The following UBAP1 variants were observed in gnomAD, a reference collection of about 807,000 sequenced individuals.
UBAP1 encodes the protein ubiquitin-associated protein 1.
In UBAP1, 5 loss-of-function variants were observed where a neutral mutation model predicts 39.0. The observed-to-expected ratio is 0.13, with a 90% CI of 0.07 to 0.27. The LOEUF is 0.27. UBAP1 is among the 10% of genes least tolerant of loss of function. UBAP1 has a pLI of 1.00. For synonymous variants in UBAP1, 211 were observed against 225.1 expected (o/e 0.94, Z 0.56); for missense variants, 490 against 608.1 (o/e 0.81, Z 2.04).
intron 1 of UBAP1, among the ~76,000 whole-genome samples, chr9:34,218,033 A>C (rs1013776875): frequency 6.6e-6 from 1 of 151,234 alleles, no homozygotes; most frequent in African/African-American, 2.4e-5. Flanking sequence ...CGGGTGGATC[A>C]CAAGGTCAAG....
At chr9:34,199,162 C>T (rs544515486) in intron 1 of UBAP1, among the ~76,000 whole-genome samples, 2 of 152,272 alleles carry the variant, frequency 1.3e-5, no homozygotes, top group East Asian at 3.9e-4. Context: ...CAACCTCTGC[C>T]TCCCGGGTTC....
chr9:34,239,392 C>T (rs1833854588), intron 3 of UBAP1, among the ~76,000 whole-genome samples: 1 of 152,230 alleles, frequency 6.6e-6, no homozygotes, highest in African/African-American at 2.4e-5. Context: ...TGTATCTGGT[C>T]CCCTCCGTAC....
chr9:34,251,787 C>G lies in UBAP1; in HGVS notation c.*255C>G, dbSNP rs765994204. On this transcript the variant is annotated 3_prime_UTR_variant, in exon 7 of 7. Transcript: ENST00000297661. ...AACGCATTTGCATTTTGAGAAGTGT[C>G]CTTCCCACTTCAGCCCTCCGGAGAG... The G allele has an allele frequency of 1.6e-5, 7 of 445,804 alleles. No individual in the cohort carries two copies. Among genetic ancestry groups the G allele is most frequent in the Non-Finnish European group, 2.8e-5 (7 of 247,272 alleles). 27.6% of individuals were successfully genotyped at this position (445,804 alleles called of 1,614,324 possible). A position where few individuals can be genotyped will look rare whatever the true frequency, so the allele number is the denominator to read the frequency against.
chr9:34,229,560 A>G (rs1228002980), intron 2 of UBAP1, among the ~76,000 whole-genome samples: 1 of 148,834 alleles, frequency 6.7e-6, no homozygotes, highest in Admixed American at 6.8e-5. Flanking sequence ...TCGGCCTGAC[A>G]TGGAGTCTTG....
chr9:34,198,390 C>T (rs11787558), intron 1 of UBAP1, among the ~76,000 whole-genome samples: 22,584 of 152,116 alleles, frequency 0.15, 2,084 homozygotes, highest in South Asian at 0.31. Flanking sequence ...GTTCTGTGGC[C>T]GGGCTGCCTG....
chr9:34,208,141 G>C (rs1448270635), intron 1 of UBAP1, among the ~76,000 whole-genome samples: 1 of 151,958 alleles, frequency 6.6e-6, no homozygotes, highest in Non-Finnish European at 1.5e-5. Context: ...GTTAATGTTG[G>C]TGTTGGACTG....
intron 2 of UBAP1, among the ~76,000 whole-genome samples, chr9:34,225,824 T>C: frequency 6.6e-6 from 1 of 151,734 alleles, no homozygotes; most frequent in Non-Finnish European, 1.5e-5. Context: ...TCAATCCTCT[T>C]TCACTGATTC....
chr9:34,209,249 C>G (rs1045198610), intron 1 of UBAP1, among the ~76,000 whole-genome samples: 2 of 152,096 alleles, frequency 1.3e-5, no homozygotes, highest in Non-Finnish European at 2.9e-5. Flanking sequence ...CCTGACTCAG[C>G]TACTTCTGAT....
chr9:34,213,384 G>A (rs544974081), intron 1 of UBAP1, among the ~76,000 whole-genome samples: 4 of 151,906 alleles, frequency 2.6e-5, no homozygotes, highest in South Asian at 2.1e-4. Flanking sequence ...GGTGGCAGGC[G>A]CTTGCAATCC....
intron 1 of UBAP1, among the ~76,000 whole-genome samples, chr9:34,199,707 C>G (rs2131530982): frequency 6.6e-6 from 1 of 151,476 alleles, no homozygotes; most frequent in South Asian, 2.1e-4. Flanking sequence ...TGATCATGTC[C>G]TACTGCAACC....
intron 3 of UBAP1, among the ~76,000 whole-genome samples, chr9:34,234,715 G>A (rs1041949362): frequency 2.0e-5 from 3 of 152,156 alleles, no homozygotes; most frequent in East Asian, 1.9e-4. Flanking sequence ...TTACTCAAGT[G>A]TTTGTGGTGA....
intron 4 of UBAP1, among the ~76,000 whole-genome samples, chr9:34,246,705 G>A (rs1834194172): frequency 6.6e-6 from 1 of 152,238 alleles, no homozygotes; most frequent in South Asian, 2.1e-4. Flanking sequence ...TTTATGGAAA[G>A]ACTTGGTAGA....
At position 34,249,888 on chromosome 9, in the gene UBAP1, C is replaced by T. The variant is rs139312253; in HGVS notation, c.1193C>T (p.Thr398Met). ...LSPSERQCVE[T>M]VVNMGYSYEC... ...CCCAGCGAGCGGCAGTGTGTGGAGACGGTGGTCAACATGGGCTACTCGTAC... is the reference window on the plus strand; with the variant it reads ...CCCAGCGAGCGGCAGTGTGTGGAGATGGTGGTCAACATGGGCTACTCGTAC... The change falls in exon 5 of 7, where the codon ACG becomes ATG. Residue 398 changes from threonine (T) to methionine (M), a missense_variant. Physicochemically the swap from Thr to Met is moderately conservative, Grantham distance 81. Around this residue, in one of 3 missense-constraint regions of UBAP1, gnomAD observed 339 missense variants for 390.0 expected, o/e 0.87. Coordinates refer to ENST00000297661, the MANE Select transcript of UBAP1 (RefSeq NM_016525.5). 4.1e-5 allele frequency: 66 copies of T among 1,612,724 alleles called. 1 individual carries two copies. The highest frequency in any genetic ancestry group is 5.0e-5 in the Admixed American group (3 of 59,858).
chr9:34,230,367 TA>T (rs1833345784), intron 2 of UBAP1, among the ~76,000 whole-genome samples: 1 of 152,148 alleles, frequency 6.6e-6, no homozygotes, highest in African/African-American at 2.4e-5. Flanking sequence ...CCTGGCCAAA[TA>T]TAGTTATTAT....
intron 2 of UBAP1, among the ~76,000 whole-genome samples, chr9:34,225,586 G>C (rs1408828706): frequency 2.0e-5 from 3 of 151,700 alleles, no homozygotes; most frequent in Non-Finnish European, 4.4e-5. Context: ...GACCATCCTG[G>C]CTAACATGGT....
intron 1 of UBAP1, among the ~76,000 whole-genome samples, chr9:34,219,718 TTCCCC>T (rs1406831384): frequency 4.2e-4 from 13 of 30,906 alleles, no homozygotes; most frequent in Admixed American, 3.1e-3. Context: ...CTCCCCTCCC[TTCCCC>T]TCCCCTCCCC....
intron 2 of UBAP1, among the ~76,000 whole-genome samples, chr9:34,222,085 G>A (rs1345887971): frequency 6.6e-6 from 1 of 152,082 alleles, no homozygotes; most frequent in Non-Finnish European, 1.5e-5. Flanking sequence ...TCATGCCACT[G>A]CACTCCAGCC....
chr9:34,240,200 G>C (rs1353527458), intron 3 of UBAP1, among the ~76,000 whole-genome samples: 3 of 152,272 alleles, frequency 2.0e-5, no homozygotes, highest in Middle Eastern at 3.4e-3. Context: ...CCCCCCATAT[G>C]TCTATCTGAG....
intron 1 of UBAP1, among the ~76,000 whole-genome samples, chr9:34,179,531 A>T (rs938820771): frequency 5.9e-5 from 9 of 151,956 alleles, no homozygotes; most frequent in African/African-American, 1.9e-4. Flanking sequence ...GTAGACATCT[A>T]TCGGGCTGGA....
Sources: allele counts gnomAD v4.1 joint callset (sites outside exome capture counted in the v4.1 genomes callset), GRCh38; gene constraint gnomAD v4.1.1; regional missense constraint gnomAD v4.1.1; transcripts MANE v1.5; gene names NCBI Gene and HGNC (gene_info 2026-07-23, HGNC 2026-07-21).